Variants in ADK observed in about 807,000 individuals in gnomAD.
The protein encoded by ADK is adenosine kinase.
Under a neutral mutation model 44.7 loss-of-function variants are expected in ADK, and 24 were observed. The ratio of observed to expected loss-of-function variants is 0.54; its 90% CI spans 0.39 to 0.76. ADK has a LOEUF of 0.76. Among genes scored for constraint, ADK ranks in the 30% least tolerant of loss-of-function variants. The pLI, the probability that ADK is intolerant of heterozygous loss-of-function variation, is 0.00. For missense variants in ADK, 321 were observed against 425.1 expected, an observed-to-expected ratio of 0.76 and a Z score of 2.15; for synonymous variants, 128 against 142.6, an observed-to-expected ratio of 0.90 and a Z score of 0.73.
intron 4 of ADK, among the ~76,000 whole-genome samples, chr10:74,363,757 T>C (rs1202104609): frequency 6.6e-6 from 1 of 152,084 alleles, no homozygotes; most frequent in African/African-American, 2.4e-5. Flanking sequence ...TTCCAGCAGA[T>C]CTCTGCACAG....
chr10:74,708,026 C>G (rs1345012451), intron 10 of ADK, among the ~76,000 whole-genome samples: 7 of 151,794 alleles, frequency 4.6e-5, no homozygotes, highest in African/African-American at 1.7e-4. Context: ...TGGTGCATGC[C>G]TGTAGTCCCA....
chr10:74,302,136 T>G (rs1236855310), intron 3 of ADK, among the ~76,000 whole-genome samples: 1,150 of 84,160 alleles, frequency 0.014, 98 homozygotes, highest in Non-Finnish European at 0.017. Flanking sequence ...TTTTTTTTTT[T>G]TTTTTTTTTT....
At chr10:74,314,832 G>A in intron 4 of ADK, 87 bp downstream of exon 4, 1 of 994,770 alleles carries the variant, frequency 1.0e-6, no homozygotes, top group South Asian at 1.3e-5. Flanking sequence ...TTTATATTGT[G>A]TTGCTGTAGA....
chr10:74,320,885 A>C (rs933697789), intron 4 of ADK, among the ~76,000 whole-genome samples: 2 of 152,170 alleles, frequency 1.3e-5, no homozygotes, highest in Non-Finnish European at 1.5e-5. Context: ...TGTCAGAGAG[A>C]GTGTCGAATA....
chr10:74,667,034 T>C (rs1854984847), intron 9 of ADK, among the ~76,000 whole-genome samples: 1 of 152,062 alleles, frequency 6.6e-6, no homozygotes. Flanking sequence ...TTTTACCATG[T>C]TGGCGAGTCT....
intron 6 of ADK, among the ~76,000 whole-genome samples, chr10:74,502,192 T>C (rs1847907417): frequency 6.6e-6 from 1 of 152,130 alleles, no homozygotes; most frequent in Non-Finnish European, 1.5e-5. Context: ...TTTAGCCCAG[T>C]GATTTCTTTT....
At chr10:74,385,129 A>G (rs942607658) in intron 4 of ADK, among the ~76,000 whole-genome samples, 5 of 152,224 alleles carry the variant, frequency 3.3e-5, no homozygotes, top group African/African-American at 1.2e-4. Flanking sequence ...ATAAACAGGA[A>G]ACAACTGAAT....
intron 10 of ADK, among the ~76,000 whole-genome samples, chr10:74,683,378 A>C (rs1483700592): frequency 6.6e-6 from 1 of 152,196 alleles, no homozygotes; most frequent in Admixed American, 6.5e-5. Flanking sequence ...AAATGTCAAA[A>C]CATCCAAGGC....
chr10:74,502,817 G>GATTTA, intron 6 of ADK, among the ~76,000 whole-genome samples: 1 of 152,070 alleles, frequency 6.6e-6, no homozygotes, highest in Non-Finnish European at 1.5e-5. Context: ...CAAATGTAAA[G>GATTTA]GACTTGTATT....
intron 6 of ADK, among the ~76,000 whole-genome samples, chr10:74,437,317 T>C (rs1845209970): frequency 6.6e-6 from 1 of 152,200 alleles, no homozygotes; most frequent in Non-Finnish European, 1.5e-5. Flanking sequence ...CAAAAAACTA[T>C]TTCCAAATGT....
chr10:74,481,987 TC>T (rs1207695771), intron 6 of ADK, among the ~76,000 whole-genome samples: 2 of 152,216 alleles, frequency 1.3e-5, no homozygotes, highest in Non-Finnish European at 2.9e-5. Flanking sequence ...TAGGGAAGAT[TC>T]ATCGTAGTTT....
At chr10:74,667,941 A>G (rs1855022701) in intron 9 of ADK, among the ~76,000 whole-genome samples, 1 of 152,226 alleles carries the variant, frequency 6.6e-6, no homozygotes, top group Admixed American at 6.5e-5. Context: ...ATTGTTTTCA[A>G]ACGAGGAGCT....
At chr10:74,220,136 GA>G (rs1182389753) in intron 2 of ADK, among the ~76,000 whole-genome samples, 2 of 151,638 alleles carry the variant, frequency 1.3e-5, no homozygotes, top group African/African-American at 4.8e-5. Flanking sequence ...GACTAATAAA[GA>G]AAAAAAGAAA....
intron 7 of ADK, among the ~76,000 whole-genome samples, chr10:74,528,862 A>G (rs1402743548): frequency 1.3e-5 from 2 of 152,214 alleles, no homozygotes; most frequent in Admixed American, 1.3e-4. Flanking sequence ...AAAAAATGGA[A>G]ATTAACAAGT....
intron 4 of ADK, chr10:74,344,632 G>T: frequency 8.7e-6 from 2 of 230,412 alleles, no homozygotes; most frequent in Non-Finnish European, 9.2e-6. Flanking sequence ...TATTCTTTTT[G>T]TCATTTAAAA....
intron 4 of ADK, among the ~76,000 whole-genome samples, chr10:74,391,639 C>T (rs1208289237): frequency 5.7e-5 from 7 of 123,168 alleles, no homozygotes; most frequent in Non-Finnish European, 1.2e-4. Context: ...TTCAGGAGTT[C>T]GAGGCAAGAA....
At chr10:74,418,611 C>T (rs891315257) in intron 6 of ADK, among the ~76,000 whole-genome samples, 3 of 152,076 alleles carry the variant, frequency 2.0e-5, no homozygotes, top group African/African-American at 4.8e-5. Flanking sequence ...CAAAGAAATC[C>T]GCACTCATTA....
intron 3 of ADK, among the ~76,000 whole-genome samples, chr10:74,249,430 A>G (rs1294172745): frequency 6.6e-6 from 1 of 152,064 alleles, no homozygotes; most frequent in Non-Finnish European, 1.5e-5. Flanking sequence ...TATAGTTTAT[A>G]TCCTTAAGAC....
intron 4 of ADK, among the ~76,000 whole-genome samples, chr10:74,335,457 TGA>T: frequency 1.3e-5 from 2 of 152,350 alleles, no homozygotes; most frequent in Middle Eastern, 6.8e-3. Context: ...TTTTAATGGC[TGA>T]GTAGTTTTCT....
Sources: allele counts gnomAD v4.1 joint callset (sites outside exome capture counted in the v4.1 genomes callset), GRCh38; gene constraint gnomAD v4.1.1; transcripts MANE v1.5; gene names NCBI Gene and HGNC (gene_info 2026-07-23, HGNC 2026-07-21).